MAEA: variants seen among roughly 807,000 people sequenced by gnomAD.
MAEA encodes the protein E3 ubiquitin-protein transferase MAEA.
In MAEA, 22 loss-of-function variants were observed where a neutral mutation model predicts 46.2. The ratio of observed to expected loss-of-function variants is 0.48; its 90% CI spans 0.34 to 0.68. The LOEUF is 0.68. MAEA is among the 30% of genes least tolerant of loss of function. The pLI is 0.01. For synonymous variants in MAEA, 246 were observed against 222.6 expected (o/e 1.11, Z -0.94); for missense variants, 393 against 558.1 (o/e 0.70, Z 2.98).
chr4:1,301,248 G>A (rs941705977), intron 1 of MAEA, among the ~76,000 whole-genome samples: 10 of 152,230 alleles, frequency 6.6e-5, no homozygotes, highest in Admixed American at 5.9e-4. Flanking sequence ...GCATCCTGAA[G>A]CTGATGGCAC....
chr4:1,337,287 G>A lies in MAEA; in HGVS notation c.899+293G>A, dbSNP rs752633609. The A allele has an allele frequency of 9.3e-6, 4 of 428,992 alleles. No homozygotes were observed. In the Admixed American group the frequency reaches 1.3e-4, roughly 13 times the overall value. The allele number at this position is 428,992 out of a possible 1,614,324, so 26.6% of individuals were successfully genotyped here. A position where few individuals can be genotyped will look rare whatever the true frequency, so the allele number is the denominator to read the frequency against. On this transcript the variant is annotated intron_variant, in intron 7 of 8. Coordinates refer to ENST00000303400, the MANE Select transcript of MAEA (RefSeq NM_001017405.3). ...CCGATTTTGATGTGTTCTGGCAGCC[G>A]GCAGATTACCATTCAGAATAGTTTT...
chr4:1,328,411 C>T (rs1451726465), intron 5 of MAEA, among the ~76,000 whole-genome samples: 3 of 152,254 alleles, frequency 2.0e-5, no homozygotes, highest in Non-Finnish European at 4.4e-5. Flanking sequence ...ATGCTCACCC[C>T]GTCTCGGGGC....
intron 7 of MAEA, chr4:1,338,154 C>G: frequency 2.3e-6 from 1 of 428,556 alleles, no homozygotes; most frequent in Non-Finnish European, 4.2e-6. Context: ...GAGAGGGCGG[C>G]GGGCGACGGA....
chr4:1,336,802 A>T, intron 6 of MAEA, 59 bp from the exon 7 acceptor site: 1 of 1,551,938 alleles, frequency 6.4e-7, no homozygotes, highest in Admixed American at 1.9e-5. Flanking sequence ...CACGTTTTTA[A>T]GCTGTCCCAG....
chr4:1,315,925 C>T (rs1223932798), intron 3 of MAEA, among the ~76,000 whole-genome samples: 2 of 127,920 alleles, frequency 1.6e-5, no homozygotes, highest in South Asian at 3.0e-4. Flanking sequence ...TGTGTGTCTG[C>T]GCTGTGGTGA....
chr4:1,297,613 C>T (rs1306012073), intron 1 of MAEA, among the ~76,000 whole-genome samples: 3 of 152,150 alleles, frequency 2.0e-5, no homozygotes, highest in South Asian at 2.1e-4. Flanking sequence ...CTGACGCGGT[C>T]GCCTGCATCT....
At chr4:1,297,045 C>T (rs73796059) in intron 1 of MAEA, among the ~76,000 whole-genome samples, 23,131 of 152,110 alleles carry the variant, frequency 0.15, 3,376 homozygotes, top group East Asian at 0.41. Flanking sequence ...AGTCACCTCC[C>T]GGAGCTCTCT....
intron 5 of MAEA, 69 bp downstream of exon 5, chr4:1,327,772 C>G: frequency 1.4e-6 from 2 of 1,422,342 alleles, no homozygotes; most frequent in South Asian, 1.2e-5. Flanking sequence ...TGCCAGCCCT[C>G]CCTGTCGTGG....
intron 5 of MAEA, chr4:1,331,848 G>C (rs1711866935): frequency 1.3e-5 from 2 of 152,682 alleles, no homozygotes; most frequent in African/African-American, 4.8e-5. Context: ...GTTCTGCTTT[G>C]GTTTCTTGGT....
chr4:1,327,731 G>C, intron 5 of MAEA, 28 bp downstream of exon 5: 1 of 1,600,696 alleles, frequency 6.2e-7, no homozygotes, highest in Non-Finnish European at 8.6e-7. Context: ...GCGTCTCCTC[G>C]AGGGAGGGCA....
chr4:1,332,753 T>C lies in MAEA; in HGVS notation c.657-4T>C. On this transcript the variant is annotated splice_region_variant and splice_polypyrimidine_tract_variant and intron_variant, in intron 5 of 8. Transcript: ENST00000303400. ...CTTAAATGTGCCAAAATGTTGTTTT[T>C]TAGACATGCAAGAAAGCACTTCAGC... 1 of 1,607,950 alleles carries C rather than the reference T, an allele frequency of 6.2e-7. No homozygotes were observed. Among genetic ancestry groups the C allele is most frequent in the Non-Finnish European group, 8.5e-7 (1 of 1,176,120 alleles).
chr4:1,292,791 C>G (rs1255666216), intron 1 of MAEA, among the ~76,000 whole-genome samples: 2 of 151,678 alleles, frequency 1.3e-5, no homozygotes, highest in Non-Finnish European at 2.9e-5. Context: ...CTGGCTGTGG[C>G]TGTGTCTTTT....
intron 6 of MAEA, among the ~76,000 whole-genome samples, chr4:1,333,154 A>G (rs1712069441): frequency 6.6e-6 from 1 of 151,954 alleles, no homozygotes; most frequent in African/African-American, 2.4e-5. Context: ...TGGGGAACAT[A>G]GTGAGACCCC....
Position 1,315,883 on chromosome 4 carries a change from CCCCA to C in MAEA, c.456+284_456+287del, listed in dbSNP as rs1320245461. Among the ~76,000 whole-genome samples, 97 of 55,338 alleles carry C rather than the reference CCCCA, an allele frequency of 1.8e-3. 3 individuals carry two copies. Among genetic ancestry groups the C allele is most frequent in the African/African-American group, 4.6e-3 (79 of 17,218 alleles). The allele number at this position is 55,338 out of a possible 152,430, so 36.3% of individuals were successfully genotyped here. On this transcript the variant is annotated intron_variant, in intron 3 of 8. Coordinates refer to ENST00000303400, the MANE Select transcript of MAEA (RefSeq NM_001017405.3). ...CCTTCCCGTGTGTGTGCCCCCCCCC[CCCCA>C]ATGTGCGTGTTTCTCCCCCACCCCG...
At chr4:1,290,066 G>T in intron 1 of MAEA, 84 bp downstream of exon 1, 2 of 1,071,944 alleles carry the variant, frequency 1.9e-6, no homozygotes, top group South Asian at 2.3e-5. Flanking sequence ...GCCCCGGGAG[G>T]GCCAGCGGCG....
At chr4:1,332,026 T>C (rs537818544) in intron 5 of MAEA, 256 of 152,794 alleles carry the variant, frequency 1.7e-3, no homozygotes, top group South Asian at 9.4e-3. Context: ...AGGGAGGCTG[T>C]TCTTCGGAAG....
intron 1 of MAEA, among the ~76,000 whole-genome samples, chr4:1,293,533 C>T (rs893130981): frequency 6.6e-6 from 1 of 152,246 alleles, no homozygotes; most frequent in African/African-American, 2.4e-5. Flanking sequence ...GAGAATTTCA[C>T]ATGGGTGTCT....
chr4:1,316,694 A>C (rs991280231), intron 3 of MAEA, among the ~76,000 whole-genome samples: 2 of 151,884 alleles, frequency 1.3e-5, no homozygotes, highest in African/African-American at 4.8e-5. Context: ...TGTGGCTCCC[A>C]CCTGGGGCAT....
intron 4 of MAEA, among the ~76,000 whole-genome samples, chr4:1,326,234 C>T (rs80081732): frequency 0.031 from 4,792 of 152,228 alleles, 391 homozygotes; most frequent in East Asian, 0.24. Context: ...TGCAGTGGTC[C>T]GGGGTGGATT....
Sources: allele counts gnomAD v4.1 joint callset (sites outside exome capture counted in the v4.1 genomes callset), GRCh38; gene constraint gnomAD v4.1.1; transcripts MANE v1.5; gene names NCBI Gene and HGNC (gene_info 2026-07-23, HGNC 2026-07-21).